SEMA4F: variants seen among roughly 807,000 people sequenced by gnomAD.
The protein encoded by SEMA4F is ssemaphorin 4F.
In SEMA4F, 51 loss-of-function variants were observed where a neutral mutation model predicts 78.4. The ratio of observed to expected loss-of-function variants is 0.65; its 90% CI spans 0.52 to 0.82. The LOEUF (loss-of-function observed/expected upper bound fraction) is 0.82. SEMA4F is among the 40% of genes least tolerant of loss of function. SEMA4F has a pLI of 0.00. For synonymous variants in SEMA4F, 418 were observed against 408.7 expected, an observed-to-expected ratio of 1.02 and a Z score of -0.27; for missense variants, 938 against 1,014.4, an observed-to-expected ratio of 0.92 and a Z score of 1.02.
chr2:74,684,419 T>C (rs932179133), downstream of SEMA4F, among the ~76,000 whole-genome samples: 4 of 152,146 alleles, frequency 2.6e-5, no homozygotes, highest in Non-Finnish European at 4.4e-5. Flanking sequence ...GCCGTATGTC[T>C]ATCCTTAGTA....
the SEMA4F span, among the ~76,000 whole-genome samples, chr2:74,705,657 G>A: frequency 2.6e-5 from 4 of 152,316 alleles, no homozygotes; most frequent in Admixed American, 1.3e-4. Context: ...TCTGACTCAT[G>A]GGATCTGGTG....
Position 74,656,636 on chromosome 2 carries a change from A to T in SEMA4F, c.248A>T (p.Asp83Val), listed in dbSNP as rs1458478681. Reference sequence around the variant, plus strand: ...CACACACTTTATGTTGGCGCCCGGGACACCATCTTCGCTTTATCCCTGCCC... The same window carrying T: ...CACACACTTTATGTTGGCGCCCGGGTCACCATCTTCGCTTTATCCCTGCCC... Reference protein sequence around the residue: ...ASHTLYVGARDTIFALSLPFS... With the variant: ...ASHTLYVGARVTIFALSLPFS... The change falls in exon 2 of 14, where the codon GAC becomes GTC. Residue 83 changes from aspartate (D) to valine (V), a missense_variant. Asp to Val is a radical substitution (Grantham distance 152). Transcript: ENST00000357877. 1 of 1,614,138 alleles carries T rather than the reference A, an allele frequency of 6.2e-7. No individual in the cohort carries two copies. Among genetic ancestry groups the T allele is most frequent in the East Asian group, 2.2e-5 (1 of 44,870 alleles).
chr2:74,680,391 C>G lies in SEMA4F; in HGVS notation c.*182C>G, dbSNP rs1685553040. Reference sequence around the variant, plus strand: ...GGATGGGCTTGGGGCCAGACCTTTGCCTGATTCCTGATTCCCATGAGAAAT... The same window carrying G: ...GGATGGGCTTGGGGCCAGACCTTTGGCTGATTCCTGATTCCCATGAGAAAT... On this transcript the variant is annotated 3_prime_UTR_variant, in exon 14 of 14. Coordinates refer to ENST00000357877, the MANE Select transcript of SEMA4F (RefSeq NM_004263.5). The G allele has an allele frequency of 3.4e-6, 2 of 593,884 alleles. No individual in the cohort carries two copies. The highest frequency in any genetic ancestry group is 3.7e-5 in the African/African-American group (2 of 54,088). The allele number at this position is 593,884 out of a possible 1,614,324, so 36.8% of individuals were successfully genotyped here.
At chr2:74,676,009 G>A in intron 12 of SEMA4F, 100 bp downstream of exon 12, 9 of 1,351,580 alleles carry the variant, frequency 6.7e-6, no homozygotes, top group Non-Finnish European at 8.9e-6. Context: ...GCCGGAGGCT[G>A]TTTTCTTTTT....
the SEMA4F span, among the ~76,000 whole-genome samples, chr2:74,690,992 G>A: frequency 6.6e-6 from 1 of 152,092 alleles, no homozygotes; most frequent in Non-Finnish European, 1.5e-5. Flanking sequence ...CTTTCACATA[G>A]CCATCCTATT....
downstream of SEMA4F, among the ~76,000 whole-genome samples, chr2:74,688,013 G>A (rs1374714793): frequency 2.6e-5 from 4 of 152,170 alleles, no homozygotes; most frequent in Non-Finnish European, 5.9e-5. Flanking sequence ...TAGATATGAT[G>A]TGGGCATTGA....
At chr2:74,704,110 T>C in the SEMA4F span, among the ~76,000 whole-genome samples, 2 of 151,776 alleles carry the variant, frequency 1.3e-5, no homozygotes, top group African/African-American at 4.8e-5. Flanking sequence ...CTCCAAAGAG[T>C]CAAGTACATT....
At chr2:74,678,598 C>T (rs1302910581) in intron 12 of SEMA4F, among the ~76,000 whole-genome samples, 1 of 152,172 alleles carries the variant, frequency 6.6e-6, no homozygotes, top group Non-Finnish European at 1.5e-5. Flanking sequence ...GTCTCATTGA[C>T]TTCCCAGCCT....
At chr2:74,675,470 G>A in intron 10 of SEMA4F, 55 bp from the exon 11 acceptor site, 2 of 1,596,742 alleles carry the variant, frequency 1.3e-6, no homozygotes, top group Non-Finnish European at 1.7e-6. Flanking sequence ...ATAGGTCTGA[G>A]TCCCAGGCAC....
At chr2:74,708,695 AC>A in the SEMA4F span, among the ~76,000 whole-genome samples, 5 of 152,238 alleles carry the variant, frequency 3.3e-5, 1 homozygote, top group South Asian at 1.0e-3. Context: ...CATGTCAAGA[AC>A]CAGGAAAATC....
chr2:74,654,453 C>A lies in SEMA4F; in HGVS notation c.77C>A (p.Ala26Glu). ...TASPFPLLLLAVLSGPVSGRV... is the reference protein window; with the variant it reads ...TASPFPLLLLEVLSGPVSGRV... ...TCGCCCTTCCCGCTACTGCTGCTGG[C>A]GGTGCTGAGCGGCCCGGTATCCGGC... Residue 26 changes from alanine to glutamate, a missense_variant, in exon 1 of 14, where the codon GCG becomes GAG. Physicochemically the swap from Ala to Glu is moderately radical, Grantham distance 107. Transcript: ENST00000357877. The A allele has an allele frequency of 1.3e-6, 2 of 1,574,206 alleles. No homozygotes were observed. The highest frequency in any genetic ancestry group is 1.7e-6 in the Non-Finnish European group (2 of 1,165,550).
intron 2 of SEMA4F, among the ~76,000 whole-genome samples, chr2:74,657,000 C>CT (rs926350065): frequency 6.6e-6 from 1 of 151,990 alleles, no homozygotes; most frequent in Admixed American, 6.6e-5. Flanking sequence ...AGCTTTCAAA[C>CT]TTTTTTTTGA....
rs909689691 is a variant in SEMA4F, at chr2:74,654,317, C to T, written c.-60C>T. 5 of 1,389,536 alleles carry T rather than the reference C, an allele frequency of 3.6e-6. No individual in the cohort carries two copies. The highest frequency in any genetic ancestry group is 3.7e-6 in the Non-Finnish European group (4 of 1,078,126). 86.1% of individuals were successfully genotyped at this position (1,389,536 alleles called of 1,614,324 possible). On this transcript the variant is annotated 5_prime_UTR_variant, in exon 1 of 14. Coordinates refer to ENST00000357877, the MANE Select transcript of SEMA4F (RefSeq NM_004263.5). ...CCCGAGTGGGGCCGAGGCCAGTAGC[C>T]CCGGGGCCCTGAGCAGAGGCCGTAG... is the stretch of plus-strand genomic sequence containing the variant.
At chr2:74,665,860 A>G (rs1244225843) in intron 5 of SEMA4F, among the ~76,000 whole-genome samples, 1 of 151,570 alleles carries the variant, frequency 6.6e-6, no homozygotes, top group African/African-American at 2.4e-5. Flanking sequence ...CAACACTCTA[A>G]GATAATCATT....
intron 7 of SEMA4F, among the ~76,000 whole-genome samples, chr2:74,674,260 G>A (rs1685144834): frequency 6.6e-6 from 1 of 152,160 alleles, no homozygotes; most frequent in Admixed American, 6.5e-5. Flanking sequence ...ACATAATACA[G>A]CACTTTATAA....
chr2:74,668,405 A>G (rs1354964513), intron 5 of SEMA4F, among the ~76,000 whole-genome samples: 8 of 152,226 alleles, frequency 5.3e-5, no homozygotes, highest in Non-Finnish European at 1.0e-4. Flanking sequence ...ACAGAGGGAA[A>G]GGTAGAGTCA....
Position 74,675,162 on chromosome 2 carries a change from T to C in SEMA4F, c.1150T>C (p.Cys384Arg). ...NDVPQPRPGE[C>R]ITNNMKLRHF... ...GTCACCAGCCCTGTATTTCCTCTAG[T>C]GCATCACCAACAACATGAAGCTCCG... is the stretch of plus-strand genomic sequence containing the variant. The change falls in exon 10 of 14, where the codon TGC becomes CGC. Residue 384 changes from cysteine to arginine, a missense_variant and splice_region_variant. Physicochemically the swap from Cys to Arg is radical, Grantham distance 180. Transcript: ENST00000357877. 1 of 1,614,166 alleles carries C rather than the reference T, an allele frequency of 6.2e-7. No individual in the cohort carries two copies. The highest frequency in any genetic ancestry group is 8.5e-7 in the Non-Finnish European group (1 of 1,180,020).
At chr2:74,702,254 C>G in the SEMA4F span, among the ~76,000 whole-genome samples, 1 of 152,262 alleles carries the variant, frequency 6.6e-6, no homozygotes, top group East Asian at 1.9e-4. Flanking sequence ...AACATCTGCT[C>G]TTGAGTGTTG....
At chr2:74,656,804 A>T in intron 2 of SEMA4F, 119 bp downstream of exon 2, 2 of 1,093,650 alleles carry the variant, frequency 1.8e-6, no homozygotes, top group Non-Finnish European at 2.6e-6. Flanking sequence ...GGGTAGTAGG[A>T]GGGGGTGAGT....
Sources: allele counts gnomAD v4.1 joint callset (sites outside exome capture counted in the v4.1 genomes callset), GRCh38; gene constraint gnomAD v4.1.1; transcripts MANE v1.5; gene names NCBI Gene and HGNC (gene_info 2026-07-23, HGNC 2026-07-21).